CDH18: variants seen among roughly 807,000 people sequenced by gnomAD.
The protein encoded by CDH18 is cadherin 18.
Under a neutral mutation model 67.9 loss-of-function variants are expected in CDH18, and 31 were observed. The ratio of observed to expected loss-of-function variants is 0.46; its 90% CI spans 0.34 to 0.62. The LOEUF (loss-of-function observed/expected upper bound fraction) is 0.62. Ranked by LOEUF, CDH18 falls within the 20% of genes least tolerant of loss-of-function variation. The pLI, the probability that CDH18 is intolerant of heterozygous loss-of-function variation, is 0.01. For synonymous variants in CDH18, 362 were observed against 347.2 expected (o/e 1.04, Z -0.48); for missense variants, 890 against 975.5 (o/e 0.91, Z 1.17).
chr5:20,224,931 T>C (rs1741495995), intron 2 of CDH18, among the ~76,000 whole-genome samples: 1 of 152,082 alleles, frequency 6.6e-6, no homozygotes, highest in Admixed American at 6.6e-5. Flanking sequence ...TCTCTCTTTC[T>C]CTCCTTCTCT....
At chr5:19,636,170 T>G (rs1753116759) in intron 5 of CDH18, among the ~76,000 whole-genome samples, 1 of 152,140 alleles carries the variant, frequency 6.6e-6, no homozygotes, top group Admixed American at 6.5e-5. Flanking sequence ...AATTTGCAAG[T>G]ATACCTAGTT....
chr5:19,598,550 T>C (rs1357345416), intron 6 of CDH18, among the ~76,000 whole-genome samples: 1 of 152,136 alleles, frequency 6.6e-6, no homozygotes, highest in East Asian at 1.9e-4. Context: ...TTAAACTTCA[T>C]GTAACACTCC....
intron 2 of CDH18, among the ~76,000 whole-genome samples, chr5:19,872,413 G>A (rs1227171796): frequency 6.6e-6 from 1 of 152,116 alleles, no homozygotes. Context: ...TTGAGGTTTT[G>A]AATCAGTTGA....
chr5:19,714,681 T>C (rs181089449), intron 5 of CDH18, among the ~76,000 whole-genome samples: 12 of 152,166 alleles, frequency 7.9e-5, no homozygotes, highest in Non-Finnish European at 1.5e-4. Context: ...ATGTCCTTAA[T>C]AGGTTCTTTA....
At chr5:20,353,491 T>C (rs1270298434) in intron 1 of CDH18, among the ~76,000 whole-genome samples, 1 of 152,158 alleles carries the variant, frequency 6.6e-6, no homozygotes, top group Non-Finnish European at 1.5e-5. Flanking sequence ...AAAGAAATAA[T>C]ATCCATGCAG....
chr5:20,067,557 C>G (rs189452533), intron 2 of CDH18, among the ~76,000 whole-genome samples: 1 of 151,864 alleles, frequency 6.6e-6, no homozygotes, highest in African/African-American at 2.4e-5. Flanking sequence ...TAGCTCTCAC[C>G]CAAATAAAGT....
intron 3 of CDH18, among the ~76,000 whole-genome samples, chr5:19,834,412 C>T (rs189213500): frequency 1.2e-3 from 175 of 151,760 alleles, no homozygotes; most frequent in Non-Finnish European, 2.3e-3. Flanking sequence ...TGATTCTTCT[C>T]TCTCTTCTTT....
chr5:19,870,255 C>A (rs186431481), intron 2 of CDH18, among the ~76,000 whole-genome samples: 7 of 152,080 alleles, frequency 4.6e-5, no homozygotes, highest in Non-Finnish European at 8.8e-5. Flanking sequence ...TCATGTAATT[C>A]TTGTCAAAAA....
chr5:20,545,346 C>T lies in CDH18; in HGVS notation c.-580+30116G>A, dbSNP rs373035717. Among the ~76,000 whole-genome samples the T allele has an allele frequency of 4.0e-4, 61 of 152,322 alleles. 1 individual carries two copies. The East Asian group carries it at 7.0e-3, about 17-fold the overall frequency. On this transcript the variant is annotated intron_variant, in intron 1 of 14. Transcript: ENST00000507958. Reference sequence around the variant, plus strand: ...CCACTAGGCAATGCCCCAGTGGGCACTCTGTGTGGGTGCTCCAAACCCACA... The same window carrying T: ...CCACTAGGCAATGCCCCAGTGGGCATTCTGTGTGGGTGCTCCAAACCCACA...
intron 2 of CDH18, among the ~76,000 whole-genome samples, chr5:20,252,558 T>A (rs1195640036): frequency 6.6e-6 from 1 of 152,134 alleles, no homozygotes; most frequent in East Asian, 1.9e-4. Flanking sequence ...TCTCTACATT[T>A]GAACTACAAC....
intron 1 of CDH18, among the ~76,000 whole-genome samples, chr5:20,513,483 G>C (rs551736644): frequency 1.3e-5 from 2 of 152,190 alleles, no homozygotes; most frequent in Admixed American, 1.3e-4. Context: ...AATGACCAAA[G>C]TTTTACATCA....
Position 20,376,777 on chromosome 5 carries a change from G to A in CDH18, c.-579-121272C>T, listed in dbSNP as rs368714788. 5.9e-5 allele frequency among the ~76,000 whole-genome samples: 9 copies of A among 152,112 alleles called. No individual in the cohort carries two copies. In the East Asian group the frequency reaches 7.8e-4, roughly 13 times the overall value. On this transcript the variant is annotated intron_variant, in intron 1 of 14. Coordinates refer to the CDH18 transcript ENST00000507958. ...CACACATGTAATCCCAGCACTTTGGGAGGCCGAGGCGGGAGGATCTCCTGA... is the reference window on the plus strand; with the variant it reads ...CACACATGTAATCCCAGCACTTTGGAAGGCCGAGGCGGGAGGATCTCCTGA...
chr5:19,565,405 A>G lies in CDH18; in HGVS notation c.1253+6174T>C, dbSNP rs147209447. Among the ~76,000 whole-genome samples, 4 of 152,338 alleles carry G rather than the reference A, an allele frequency of 2.6e-5. No homozygotes were observed. The East Asian group carries it at 5.8e-4, about 22-fold the overall frequency. ...GGGAAGAGAACAAGAGTCTTTGCCT[A>G]GTAATCCAGGGAATTATCTTAGATT... On this transcript the variant is annotated intron_variant, in intron 8 of 12. Coordinates refer to ENST00000382275, the MANE Select transcript of CDH18 (RefSeq NM_004934.5).
intron 2 of CDH18, among the ~76,000 whole-genome samples, chr5:19,953,616 G>T (rs1024694545): frequency 1.3e-5 from 2 of 151,996 alleles, no homozygotes; most frequent in South Asian, 4.1e-4. Flanking sequence ...ATGTTTATCT[G>T]CCAGAAAAAT....
rs151157419 is a variant in CDH18, at chr5:19,581,936, G to A, written c.999+9121C>T. Among the ~76,000 whole-genome samples, 1,474 of 152,018 alleles carry A rather than the reference G, an allele frequency of 9.7e-3. 19 individuals are homozygous for A. The highest frequency in any genetic ancestry group is 0.032 in the African/African-American group (1,344 of 41,522). ...GGATGATGGACAGTCTGTGGAAACC[G>A]GAGTATATGCATAAGCTTTCTCATC... On this transcript the variant is annotated intron_variant, in intron 7 of 12. Transcript: ENST00000382275.
chr5:19,776,451 G>A (rs1194018030), intron 3 of CDH18, among the ~76,000 whole-genome samples: 2 of 152,090 alleles, frequency 1.3e-5, no homozygotes, highest in Non-Finnish European at 2.9e-5. Flanking sequence ...CAGGCACTCA[G>A]TATTGAAGAA....
At chr5:20,242,836 C>A (rs1452946295) in intron 2 of CDH18, among the ~76,000 whole-genome samples, 1 of 151,470 alleles carries the variant, frequency 6.6e-6, no homozygotes, top group Non-Finnish European at 1.5e-5. Flanking sequence ...TTATTTCTGA[C>A]CTAATCTTTC....
intron 12 of CDH18, among the ~76,000 whole-genome samples, chr5:19,481,605 A>T (rs1739433513): frequency 6.6e-6 from 1 of 151,710 alleles, no homozygotes; most frequent in African/African-American, 2.4e-5. Flanking sequence ...CTTTCTTTAC[A>T]CTCCTAAAAC....
intron 3 of CDH18, among the ~76,000 whole-genome samples, chr5:19,765,531 G>T (rs913405004): frequency 2.0e-5 from 3 of 152,008 alleles, no homozygotes; most frequent in African/African-American, 7.2e-5. Context: ...TAACGTCACA[G>T]AACATCTTCT....
Sources: gnomAD v4.1 joint callset for allele counts (sites outside exome capture counted in the v4.1 genomes callset) on GRCh38, gnomAD v4.1.1 for gene constraint, MANE v1.5 for transcripts, NCBI Gene and HGNC (gene_info 2026-07-23, HGNC 2026-07-21) for gene names.